Variants in SNCG observed in about 807,000 individuals in gnomAD.
The protein encoded by SNCG is gamma-synuclein.
A neutral mutation model predicts 16.0 loss-of-function variants in SNCG; 13 were observed. The observed-to-expected ratio is 0.81, with a 90% CI of 0.53 to 1.29. The LOEUF (loss-of-function observed/expected upper bound fraction) is 1.29, where lower values mean the gene tolerates loss of function less well. Ranked by LOEUF, SNCG falls within the 50% of genes most tolerant of loss-of-function variation. The probability of loss-of-function intolerance (pLI) is 0.00; values close to 1 mark genes in which losing one functional copy is unlikely to be tolerated. For missense variants in SNCG, 154 were observed against 168.5 expected, an observed-to-expected ratio of 0.91 and a Z score of 0.48; for synonymous variants, 66 against 66.3, an observed-to-expected ratio of 1.00 and a Z score of 0.02.
In SNCG at chr10:86,963,108, CCCTGGCCACCCTTGG is replaced by C; in HGVS notation, c.*128_*142del. 1 of 992,020 alleles carries C rather than the reference CCCTGGCCACCCTTGG, an allele frequency of 1.0e-6. No individual in the cohort carries two copies. Among genetic ancestry groups the C allele is most frequent in the Non-Finnish European group, 1.5e-6 (1 of 683,038 alleles). The allele number at this position is 992,020 out of a possible 1,614,324, so 61.5% of individuals were successfully genotyped here. A position where few individuals can be genotyped will look rare whatever the true frequency, so the allele number is the denominator to read the frequency against. ...GCTGCCCACGCTCCTGCCCTCGTCTCCCTGGCCACCCTTGGCCTGTCCACCTGTGCTGCTGCACCA... is the reference window on the plus strand; with the variant it reads ...GCTGCCCACGCTCCTGCCCTCGTCTCCCTGTCCACCTGTGCTGCTGCACCA... On this transcript the variant is annotated 3_prime_UTR_variant, in exon 5 of 5. Coordinates refer to ENST00000372017, the MANE Select transcript of SNCG (RefSeq NM_003087.3).
Position 86,962,993 on chromosome 10 carries a change from C to T in SNCG, c.*8C>T, listed in dbSNP as rs374421567. 46 of 1,602,930 alleles carry T rather than the reference C, an allele frequency of 2.9e-5. No homozygotes were observed. The highest frequency in any genetic ancestry group is 3.7e-5 in the Non-Finnish European group (43 of 1,175,742). On this transcript the variant is annotated 3_prime_UTR_variant, in exon 5 of 5. Coordinates refer to ENST00000372017, the MANE Select transcript of SNCG (RefSeq NM_003087.3). ...CAGAGTGGGGGAGACTAGAGGGCTA[C>T]AGGCCAGCGTGGATGACCTGAAGAG...
intron 3 of SNCG, among the ~76,000 whole-genome samples, chr10:86,961,054 G>T (rs1443779912): frequency 1.3e-5 from 2 of 152,086 alleles, no homozygotes; most frequent in South Asian, 2.1e-4. Flanking sequence ...GGGCGGGGGA[G>T]CAGTGTCCAG....
At chr10:86,958,922 G>C (rs1248032456) in intron 1 of SNCG, 104 bp downstream of exon 1, 11 of 1,296,402 alleles carry the variant, frequency 8.5e-6, no homozygotes, top group Non-Finnish European at 1.2e-5. Context: ...CATTTTGGGA[G>C]GGGGCGAGGC....
rs578212859 is a variant in SNCG, at chr10:86,959,813, A to T, written c.163+139A>T. 8.1e-7 allele frequency: 1 copy of T among 1,234,044 alleles called. No homozygotes were observed. Among genetic ancestry groups the T allele is most frequent in the East Asian group, 2.5e-5 (1 of 39,218 alleles). The allele number at this position is 1,234,044 out of a possible 1,614,324, so 76.4% of individuals were successfully genotyped here. On this transcript the variant is annotated intron_variant, in intron 2 of 4. Transcript: ENST00000372017. This position sits in a 1 kb window ranked among gnomAD's most constrained non-coding sequence, Gnocchi z 4.3. ...GCCCTACAGACCCCTGCAGACCATGAGGCTAAACTAGGGTGGGCGTCTCCT... is the reference window on the plus strand; with the variant it reads ...GCCCTACAGACCCCTGCAGACCATGTGGCTAAACTAGGGTGGGCGTCTCCT...
upstream of SNCG, chr10:86,958,127 C>T (rs1478249812): frequency 1.5e-5 from 15 of 985,350 alleles, no homozygotes; most frequent in African/African-American, 1.7e-5. Context: ...CAGGGTCCAG[C>T]GGCATCCAGG....
Position 86,958,805 on chromosome 10 carries a change from G to T in SNCG, c.108G>T (p.Gly36=), listed in dbSNP as rs771094834. Residue 36 remains glycine (G), a synonymous_variant, in exon 1 of 5, where the codon GGG becomes GGT. Transcript: ENST00000372017. The part of the protein sequence containing the change: ...VTEAAEKTKE[G]VMYVGAKTKE... ...AAGCAGCTGAGAAGACCAAGGAGGG[G>T]GTCATGTATGTGGGTAAGTGGGGCA... The T allele has an allele frequency of 1.9e-6, 3 of 1,608,862 alleles. No individual in the cohort carries two copies. The highest frequency in any genetic ancestry group is 3.3e-5 in the Admixed American group (2 of 59,718).
At chr10:86,958,500 C>CAACCCA, upstream of SNCG, 2 of 1,098,588 alleles carry the variant, frequency 1.8e-6, no homozygotes, top group Non-Finnish European at 1.1e-6. Context: ...ACCTCCTTCC[C>CAACCCA]TCCCTCCCTC....
upstream of SNCG, chr10:86,957,459 C>A (rs112554066): frequency 6.2e-7 from 1 of 1,613,658 alleles, no homozygotes. Flanking sequence ...ATCAGAGAGG[C>A]TAGTACTGGA....
At chr10:86,956,523 G>GGGGGCT (rs1290351597), upstream of SNCG, among the ~76,000 whole-genome samples, 4 of 152,244 alleles carry the variant, frequency 2.6e-5, no homozygotes, top group Non-Finnish European at 5.9e-5. Flanking sequence ...AGGAGCATCT[G>GGGGGCT]GGGGCTGGGG....
chr10:86,961,872 C>G (rs946635429), intron 3 of SNCG, among the ~76,000 whole-genome samples: 3 of 152,248 alleles, frequency 2.0e-5, no homozygotes, highest in Non-Finnish European at 2.9e-5. Flanking sequence ...CCGCCTCCCC[C>G]CCGTCCCCCG....
chr10:86,961,634 AGTCAC>A (rs1844352806), intron 3 of SNCG, among the ~76,000 whole-genome samples: 1 of 152,154 alleles, frequency 6.6e-6, no homozygotes, highest in Admixed American at 6.5e-5. Context: ...CCCCAAAACC[AGTCAC>A]GACTCATCTC....
chr10:86,956,100 C>G (rs1844221287), upstream of SNCG, among the ~76,000 whole-genome samples: 1 of 152,238 alleles, frequency 6.6e-6, no homozygotes, highest in Non-Finnish European at 1.5e-5. Context: ...TTCCTTGGTC[C>G]TGAAATCAGA....
Position 86,958,773 on chromosome 10 carries a change from G to C in SNCG, c.76G>C (p.Val26Leu). ...TGCGGTGGAAAAGACCAAGCAGGGGGTGACGGAAGCAGCTGAGAAGACCAA... is the reference window on the plus strand; with the variant it reads ...TGCGGTGGAAAAGACCAAGCAGGGGCTGACGGAAGCAGCTGAGAAGACCAA... The part of the protein sequence containing the change: ...VGAVEKTKQG[V>L]TEAAEKTKEG... The change falls in exon 1 of 5, where the codon GTG becomes CTG. Residue 26 changes from valine to leucine, a missense_variant. Val to Leu is a conservative substitution (Grantham distance 32). Coordinates refer to ENST00000372017, the MANE Select transcript of SNCG (RefSeq NM_003087.3). The C allele has an allele frequency of 6.2e-7, 1 of 1,613,498 alleles. No homozygotes were observed. Among genetic ancestry groups the C allele is most frequent in the Non-Finnish European group, 8.5e-7 (1 of 1,179,686 alleles).
rs370567763 is a variant in SNCG, at chr10:86,962,997, C to A, written c.*12C>A. On this transcript the variant is annotated 3_prime_UTR_variant, in exon 5 of 5. Coordinates refer to ENST00000372017, the MANE Select transcript of SNCG (RefSeq NM_003087.3). The stretch of plus-strand genomic sequence containing the variant: ...GTGGGGGAGACTAGAGGGCTACAGG[C>A]CAGCGTGGATGACCTGAAGAGCGCT... The A allele has an allele frequency of 1.0e-5, 16 of 1,601,590 alleles. No individual in the cohort carries two copies. The African/African-American group carries it at 1.7e-4, about 17-fold the overall frequency.
chr10:86,957,582 A>G (rs1589310199), upstream of SNCG: 11 of 1,556,466 alleles, frequency 7.1e-6, no homozygotes, highest in Non-Finnish European at 9.5e-6. Context: ...CAGCCTTGGC[A>G]AGTAGCTCCA....
chr10:86,961,640 G>A (rs1043502630), intron 3 of SNCG, among the ~76,000 whole-genome samples: 2 of 152,126 alleles, frequency 1.3e-5, no homozygotes, highest in Admixed American at 6.5e-5. Context: ...AACCAGTCAC[G>A]ACTCATCTCC....
At chr10:86,958,154 G>A (rs978906449), upstream of SNCG, 1 of 984,772 alleles carries the variant, frequency 1.0e-6, no homozygotes, top group African/African-American at 1.7e-5. Flanking sequence ...GTGGGTAGCT[G>A]CACAGCCCAG....
At chr10:86,962,556 G>C (rs768494170) in intron 3 of SNCG, 48 bp from the exon 4 acceptor site, 94 of 1,425,738 alleles carry the variant, frequency 6.6e-5, no homozygotes, top group Non-Finnish European at 8.9e-5. Context: ...GCAGCTAGGG[G>C]TCTCTGCATT....
At chr10:86,958,499 C>CCAACCAAA, upstream of SNCG, 8 of 1,111,496 alleles carry the variant, frequency 7.2e-6, no homozygotes, top group Non-Finnish European at 9.1e-6. Context: ...AACCTCCTTC[C>CCAACCAAA]CTCCCTCCCT....
Sources: gnomAD v4.1 joint callset for allele counts (sites outside exome capture counted in the v4.1 genomes callset) on GRCh38, gnomAD v4.1.1 for gene constraint, Gnocchi (gnomAD v3.1) non-coding constraint, MANE v1.5 for transcripts, NCBI Gene and HGNC (gene_info 2026-07-23, HGNC 2026-07-21) for gene names.